The following DIXDC1 variants were observed in gnomAD, a reference collection of about 807,000 sequenced individuals.
The protein encoded by DIXDC1 is DIX domain containing 1.
A neutral mutation model predicts 103.1 loss-of-function variants in DIXDC1; 64 were observed. That is an observed-to-expected ratio of 0.62 (90% CI 0.51 to 0.76). DIXDC1 has a LOEUF of 0.76. DIXDC1 is among the 30% of genes least tolerant of loss of function. DIXDC1 has a pLI of 0.00. For synonymous variants in DIXDC1, 266 were observed against 298.5 expected (o/e 0.89, Z 1.12); for missense variants, 759 against 834.2 (o/e 0.91, Z 1.11).
intron 14 of DIXDC1, among the ~76,000 whole-genome samples, chr11:111,994,478 T>C (rs1257686233): frequency 2.0e-5 from 3 of 149,946 alleles, no homozygotes; most frequent in African/African-American, 7.5e-5. Context: ...CATATATACA[T>C]ATATATACAC....
Position 111,990,959 on chromosome 11 carries a change from C to G in DIXDC1, c.1114-1456C>G, listed in dbSNP as rs963812582. 3.3e-5 allele frequency among the ~76,000 whole-genome samples: 5 copies of G among 152,130 alleles called. No homozygotes were observed. In the South Asian group the frequency reaches 1.0e-3, roughly 32 times the overall value. On this transcript the variant is annotated intron_variant, in intron 10 of 19. Transcript: ENST00000440460. The stretch of plus-strand genomic sequence containing the variant: ...TGACCTCGTGATCCGCCTGCCTTGG[C>G]CTCCAAAAGTGCTGGGATTACAGGT...
At position 111,968,515 on chromosome 11, in the gene DIXDC1, G is replaced by A. The variant is rs1177890010; in HGVS notation, c.193G>A (p.Gly65Arg). Reference protein sequence around the residue: ...ILAYLIEIVAGEKLSGVQLSP... With the variant: ...ILAYLIEIVAREKLSGVQLSP... Reference sequence around the variant, plus strand: ...CTATATTTTCTCTCTCCTAACAGCAGGAGAAAAGCTGAGTGGGGTACAGCT... The same window carrying A: ...CTATATTTTCTCTCTCCTAACAGCAAGAGAAAAGCTGAGTGGGGTACAGCT... Residue 65 changes from glycine (G) to arginine (R), a missense_variant and splice_region_variant, in exon 3 of 20, where the codon GGA (glycine) becomes AGA (arginine). This residue lies in a region of DIXDC1 where 97 missense variants were observed against 85.4 expected (regional missense o/e 1.14). Coordinates refer to ENST00000440460, the MANE Select transcript of DIXDC1 (RefSeq NM_001037954.4). The A allele has an allele frequency of 2.5e-6, 4 of 1,612,784 alleles. No homozygotes were observed. The highest frequency in any genetic ancestry group is 1.7e-5 in the Admixed American group (1 of 59,840).
At chr11:111,979,961 TAAAAC>T (rs1418138956) in intron 5 of DIXDC1, among the ~76,000 whole-genome samples, 9 of 151,972 alleles carry the variant, frequency 5.9e-5, no homozygotes, top group African/African-American at 9.7e-5. Context: ...CTCAAAAAAA[TAAAAC>T]AAAACAAAAT....
chr11:111,974,304 CT>C, intron 4 of DIXDC1, 50 bp downstream of exon 4: 1 of 1,530,096 alleles, frequency 6.5e-7, no homozygotes, highest in Non-Finnish European at 8.9e-7. Flanking sequence ...TCTGATACTT[CT>C]TCTGTTAGAT....
intron 2 of DIXDC1, among the ~76,000 whole-genome samples, chr11:111,965,182 TC>T (rs1555171394): frequency 6.6e-6 from 1 of 152,130 alleles, no homozygotes; most frequent in Admixed American, 6.6e-5. Flanking sequence ...CCATAATACT[TC>T]ATAAAATTTT....
At chr11:111,996,267 G>T in intron 17 of DIXDC1, 121 bp downstream of exon 17, 1 of 837,116 alleles carries the variant, frequency 1.2e-6, no homozygotes, top group Non-Finnish European at 1.8e-6. Flanking sequence ...ATACTATTTT[G>T]TTTCTGTAGC....
At chr11:112,009,983 T>G (rs1442233029) in intron 17 of DIXDC1, among the ~76,000 whole-genome samples, 1 of 152,118 alleles carries the variant, frequency 6.6e-6, no homozygotes, top group East Asian at 1.9e-4. Flanking sequence ...GAGAAAGAAA[T>G]AAAGGGTATT....
At chr11:111,929,999 C>A in intron 2 of DIXDC1, 1 of 1,227,382 alleles carries the variant, frequency 8.1e-7, no homozygotes, top group Non-Finnish European at 1.1e-6. Flanking sequence ...TCCATCAGGA[C>A]TCAGATCCTG....
chr11:112,019,119 C>T lies in DIXDC1; in HGVS notation c.*83C>T, dbSNP rs1386447744. 2 of 1,183,176 alleles carry T rather than the reference C, an allele frequency of 1.7e-6. No individual in the cohort carries two copies. Among genetic ancestry groups the T allele is most frequent in the African/African-American group, 3.1e-5 (2 of 65,386 alleles). 73.3% of individuals were successfully genotyped at this position (1,183,176 alleles called of 1,614,324 possible). A position where few individuals can be genotyped will look rare whatever the true frequency, so the allele number is the denominator to read the frequency against. ...AGGAAAGGGAACTAAAACCAGAATA[C>T]ACTAAGAAGTTTCTAGTTTGTGTGC... On this transcript the variant is annotated 3_prime_UTR_variant, in exon 20 of 20. Coordinates refer to ENST00000440460, the MANE Select transcript of DIXDC1 (RefSeq NM_001037954.4).
intron 2 of DIXDC1, among the ~76,000 whole-genome samples, chr11:111,965,237 A>G (rs1859690832): frequency 6.6e-6 from 1 of 152,118 alleles, no homozygotes; most frequent in East Asian, 1.9e-4. Flanking sequence ...TTCTTACTAG[A>G]TGGTACCATA....
At chr11:112,004,690 T>A (rs1555176412) in intron 17 of DIXDC1, among the ~76,000 whole-genome samples, 1 of 152,222 alleles carries the variant, frequency 6.6e-6, no homozygotes, top group Admixed American at 6.5e-5. Context: ...GGCACAGGCA[T>A]ATGAGGAAAG....
intron 17 of DIXDC1, among the ~76,000 whole-genome samples, chr11:112,005,893 A>C (rs782111445): frequency 6.6e-6 from 1 of 152,190 alleles, no homozygotes; most frequent in East Asian, 1.9e-4. Flanking sequence ...TAATCCCAGC[A>C]CTTTGGGAGG....
intron 1 of DIXDC1, among the ~76,000 whole-genome samples, chr11:111,946,111 A>AT (rs782364929): frequency 0.05 from 4,956 of 98,460 alleles, 302 homozygotes; most frequent in African/African-American, 0.16. Context: ...TAATTTTTGT[A>AT]TTTTTTTTTT....
chr11:111,966,620 G>T (rs1859750529), intron 2 of DIXDC1, among the ~76,000 whole-genome samples: 1 of 152,008 alleles, frequency 6.6e-6, no homozygotes, highest in African/African-American at 2.4e-5. Context: ...GGCCAGGATG[G>T]TCTCGATCTC....
chr11:111,985,172 A>G (rs1860446269), intron 7 of DIXDC1, 60 bp from the exon 8 acceptor site: 2 of 1,374,220 alleles, frequency 1.5e-6, no homozygotes, highest in Admixed American at 3.8e-5. Flanking sequence ...ACCAAGTTCA[A>G]CTCTGGACTA....
At chr11:111,953,917 T>C (rs1321252103) in intron 1 of DIXDC1, among the ~76,000 whole-genome samples, 4 of 152,276 alleles carry the variant, frequency 2.6e-5, no homozygotes, top group Non-Finnish European at 5.9e-5. Flanking sequence ...TCAGAAATAT[T>C]TGACAAAAGA....
At position 111,982,460 on chromosome 11, in the gene DIXDC1, A is replaced by G. The variant is rs782731125; in HGVS notation, c.891A>G (p.Glu297=). The G allele has an allele frequency of 2.5e-6, 4 of 1,613,480 alleles. No individual in the cohort carries two copies. Among genetic ancestry groups the G allele is most frequent in the Non-Finnish European group, 1.7e-6 (2 of 1,179,724 alleles). Residue 297 remains glutamate, a synonymous_variant, in exon 7 of 20, where the codon GAA becomes GAG. Coordinates refer to ENST00000440460, the MANE Select transcript of DIXDC1 (RefSeq NM_001037954.4). ...AATATTTAGAAAAAGAAATGGAGGA[A>G]GCAAAGAAAATGATATCAGGACTAC... ...QQEYLEKEME[E]AKKMISGLQA...
At chr11:111,994,956 A>T (rs1860841397) in intron 14 of DIXDC1, 63 bp from the exon 15 acceptor site, 1 of 1,455,160 alleles carries the variant, frequency 6.9e-7, no homozygotes, top group African/African-American at 1.4e-5. Context: ...GAAGAAAAAT[A>T]AGATAGCACA....
At chr11:111,954,845 G>A (rs1371676152) in intron 1 of DIXDC1, among the ~76,000 whole-genome samples, 1 of 151,970 alleles carries the variant, frequency 6.6e-6, no homozygotes, top group African/African-American at 2.4e-5. Flanking sequence ...TGAACTCTGT[G>A]GTGTTGGGTT....
Sources: gnomAD v4.1 joint callset for allele counts (sites outside exome capture counted in the v4.1 genomes callset) on GRCh38, gnomAD v4.1.1 for gene constraint, gnomAD v4.1.1 regional missense constraint, MANE v1.5 for transcripts, NCBI Gene and HGNC (gene_info 2026-07-23, HGNC 2026-07-21) for gene names.